The following MEIOSIN variants were observed in gnomAD, a reference collection of about 807,000 sequenced individuals.
MEIOSIN encodes the protein meiosis initiator protein.
In MEIOSIN, 18 loss-of-function variants were observed where a neutral mutation model predicts 23.4. The observed-to-expected ratio is 0.77, with a 90% CI of 0.53 to 1.14. The LOEUF (loss-of-function observed/expected upper bound fraction) is 1.14, where lower values mean the gene tolerates loss of function less well. Among genes scored for constraint, MEIOSIN ranks in the 50% most tolerant of loss-of-function variants. The pLI is 0.00. For synonymous variants in MEIOSIN, 187 were observed against 100.6 expected (o/e 1.86, Z -5.14); for missense variants, 428 against 242.9 (o/e 1.76, Z -5.07).
rs777137030 is a variant in MEIOSIN, at chr19:45,753,667, A to G, written c.435A>G (p.Pro145=). The G allele has an allele frequency of 4.3e-5, 30 of 702,554 alleles. No homozygotes were observed. Among genetic ancestry groups the G allele is most frequent in the Admixed American group, 6.0e-5 (3 of 49,944 alleles). The allele number at this position is 702,554 out of a possible 1,614,324, so 43.5% of individuals were successfully genotyped here. ...TCCCTGCAGGGCTGGGTCAGAAACC[A>G]GCCTGGGGCCCAGCCAGGCGGAGGA... ...EGGLAGLGQK[P]AWGPARRRRH... The change falls in exon 6 of 15, where the codon CCA becomes CCG. Residue 145 remains proline (P), a synonymous_variant. Transcript: ENST00000457052.
Position 45,762,104 on chromosome 19 carries a change from C to T in MEIOSIN, c.1600C>T (p.Pro534Ser). The T allele has an allele frequency of 4.6e-6, 2 of 439,128 alleles. No homozygotes were observed. Among genetic ancestry groups the T allele is most frequent in the Middle Eastern group, 5.8e-4 (1 of 1,720 alleles). 27.2% of individuals were successfully genotyped at this position (439,128 alleles called of 1,614,324 possible). ...PVKPKEKKKG[P>S]CPPQMKKKCV... ...GAAGCCCAAGGAGAAGAAGAAAGGC[C>T]CCTGCCCACCCCAGATGAAGAAGAA... The change falls in exon 13 of 15, where the codon CCC becomes TCC. Residue 534 changes from proline to serine, a missense_variant. Transcript: ENST00000457052.
chr19:45,739,063 T>TG (rs1275088204), intron 2 of MEIOSIN, among the ~76,000 whole-genome samples: 2 of 152,206 alleles, frequency 1.3e-5, no homozygotes, highest in African/African-American at 4.8e-5. Flanking sequence ...TAAATGATGT[T>TG]GCCGGGAATC....
At chr19:45,752,239 G>A (rs1968726669) in intron 5 of MEIOSIN, among the ~76,000 whole-genome samples, 2 of 151,540 alleles carry the variant, frequency 1.3e-5, no homozygotes, top group South Asian at 4.2e-4. Context: ...TTTTTGAGAT[G>A]GAGTTTCTCT....
chr19:45,761,395 TA>T (rs1485172591), intron 11 of MEIOSIN, among the ~76,000 whole-genome samples: 3 of 151,432 alleles, frequency 2.0e-5, no homozygotes, highest in Non-Finnish European at 4.4e-5. Context: ...GTGCTGAGAT[TA>T]CAGGCATGAG....
At chr19:45,736,084 G>A (rs1443676158) in intron 2 of MEIOSIN, among the ~76,000 whole-genome samples, 2 of 152,114 alleles carry the variant, frequency 1.3e-5, no homozygotes, top group African/African-American at 4.8e-5. Context: ...TGTTGCCCAC[G>A]TTAGAGTGCA....
intron 9 of MEIOSIN, among the ~76,000 whole-genome samples, chr19:45,758,023 GTT>G (rs1246767575): frequency 6.7e-6 from 1 of 150,274 alleles, no homozygotes; most frequent in Admixed American, 6.6e-5. Context: ...TTGAGACGGA[GTT>G]TCACTCTTGT....
chr19:45,760,924 CAAA>C (rs567608929), intron 11 of MEIOSIN, among the ~76,000 whole-genome samples: 4 of 91,190 alleles, frequency 4.4e-5, no homozygotes, highest in Non-Finnish European at 4.3e-5. Flanking sequence ...GACTCCGTCT[CAAA>C]AAAAAAAAAA....
intron 4 of MEIOSIN, among the ~76,000 whole-genome samples, chr19:45,749,436 G>T (rs1047395878): frequency 4.0e-5 from 6 of 151,352 alleles, no homozygotes; most frequent in African/African-American, 1.5e-4. Context: ...AGCATTTTGG[G>T]AGGCTGAGGT....
At chr19:45,759,340 G>A in intron 10 of MEIOSIN, 74 bp from the exon 11 acceptor site, 1 of 697,158 alleles carries the variant, frequency 1.4e-6, no homozygotes. Context: ...GGCTAGCAGG[G>A]ACGGTGTGGC....
intron 3 of MEIOSIN, among the ~76,000 whole-genome samples, chr19:45,743,642 C>A (rs1369498063): frequency 6.6e-6 from 1 of 152,152 alleles, no homozygotes; most frequent in Non-Finnish European, 1.5e-5. Context: ...CTGCCTCAGC[C>A]TCCCGAGTAG....
intron 5 of MEIOSIN, among the ~76,000 whole-genome samples, chr19:45,751,468 C>T (rs573182859): frequency 4.0e-5 from 6 of 151,888 alleles, no homozygotes; most frequent in South Asian, 4.2e-4. Flanking sequence ...TCCCCAGCCT[C>T]ATCTCCTACC....
chr19:45,740,377 C>G (rs372687557), intron 3 of MEIOSIN, among the ~76,000 whole-genome samples: 2 of 152,200 alleles, frequency 1.3e-5, no homozygotes, highest in African/African-American at 2.4e-5. Context: ...ATATATCAAC[C>G]TTTATGCCAC....
intron 5 of MEIOSIN, among the ~76,000 whole-genome samples, chr19:45,751,304 A>ATAG (rs1018642804): frequency 6.8e-6 from 1 of 147,042 alleles, no homozygotes; most frequent in Non-Finnish European, 1.5e-5. Flanking sequence ...AATAATAATA[A>ATAG]TAATAATATA....
chr19:45,750,346 T>A (rs376328039), intron 4 of MEIOSIN, among the ~76,000 whole-genome samples: 2 of 96,806 alleles, frequency 2.1e-5, no homozygotes, highest in Non-Finnish European at 3.8e-5. Context: ...CTTTCTTTCT[T>A]TCTTTTTCTT....
chr19:45,753,103 A>T (rs892758346), intron 5 of MEIOSIN, among the ~76,000 whole-genome samples: 46 of 151,904 alleles, frequency 3.0e-4, no homozygotes, highest in African/African-American at 1.1e-3. Context: ...TTTGTCCCTG[A>T]CATGTAGTGT....
intron 11 of MEIOSIN, among the ~76,000 whole-genome samples, chr19:45,761,360 G>T (rs1024295310): frequency 1.7e-4 from 25 of 150,518 alleles, no homozygotes; most frequent in Non-Finnish European, 2.8e-4. Context: ...GACCTCAGGT[G>T]ATCCTCCTGC....
chr19:45,752,919 CTTTTTTT>C (rs11387482), intron 5 of MEIOSIN, among the ~76,000 whole-genome samples: 1 of 119,134 alleles, frequency 8.4e-6, no homozygotes, highest in African/African-American at 3.2e-5. Context: ...GTTTCTTCTT[CTTTTTTT>C]TTTTTTTTTT....
chr19:45,753,644 C>T lies in MEIOSIN; in HGVS notation c.419-7C>T, dbSNP rs1188417755. The T allele has an allele frequency of 2.9e-6, 2 of 699,194 alleles. No homozygotes were observed. Among genetic ancestry groups the T allele is most frequent in the Non-Finnish European group, 5.2e-6 (2 of 383,466 alleles). 43.3% of individuals were successfully genotyped at this position (699,194 alleles called of 1,614,324 possible). A position where few individuals can be genotyped will look rare whatever the true frequency, so the allele number is the denominator to read the frequency against. On this transcript the variant is annotated splice_polypyrimidine_tract_variant and splice_region_variant and intron_variant, in intron 5 of 14. Transcript: ENST00000457052. ...GATCTGAGCTGTTTCCCTCTCCATC[C>T]CTGCAGGGCTGGGTCAGAAACCAGC...
chr19:45,762,864 C>A (rs180694019), intron 13 of MEIOSIN, among the ~76,000 whole-genome samples: 158 of 152,358 alleles, frequency 1.0e-3, no homozygotes, highest in African/African-American at 3.6e-3. Flanking sequence ...TCACCCAGTT[C>A]CTCTGTCTTC....
Sources: gnomAD v4.1 joint callset for allele counts (sites outside exome capture counted in the v4.1 genomes callset) on GRCh38, gnomAD v4.1.1 for gene constraint, MANE v1.5 for transcripts, NCBI Gene and HGNC (gene_info 2026-07-23, HGNC 2026-07-21) for gene names.